The following AGBL3 variants were observed in gnomAD, a reference collection of about 807,000 sequenced individuals.
The protein encoded by AGBL3 is AGBL carboxypeptidase 3.
A neutral mutation model predicts 94.5 loss-of-function variants in AGBL3; 68 were observed. The ratio of observed to expected loss-of-function variants is 0.72; its 90% CI spans 0.59 to 0.88. AGBL3 has a LOEUF of 0.88. AGBL3 is among the 40% of genes least tolerant of loss of function. AGBL3 has a pLI of 0.00. For missense variants in AGBL3, 934 were observed against 1,103.8 expected, an observed-to-expected ratio of 0.85 and a Z score of 2.18; for synonymous variants, 354 against 370.7, an observed-to-expected ratio of 0.95 and a Z score of 0.52.
intron 4 of AGBL3, among the ~76,000 whole-genome samples, chr7:134,996,043 T>C (rs1310021758): frequency 6.6e-6 from 1 of 152,236 alleles, no homozygotes; most frequent in African/African-American, 2.4e-5. Context: ...CACTTGACTA[T>C]TGCAAAGATT....
At chr7:135,059,935 T>C (rs1467007436) in intron 12 of AGBL3, among the ~76,000 whole-genome samples, 2 of 152,346 alleles carry the variant, frequency 1.3e-5, no homozygotes, top group South Asian at 2.1e-4. Flanking sequence ...TTCTCACTCA[T>C]GGGTCTGCCG....
At chr7:135,082,003 A>G (rs1820959784) in intron 15 of AGBL3, among the ~76,000 whole-genome samples, 1 of 152,214 alleles carries the variant, frequency 6.6e-6, no homozygotes, top group African/African-American at 2.4e-5. Context: ...TAGAGCAGAG[A>G]GAAACCTTGA....
rs533876529 is a variant in AGBL3 at position 135,108,291 on chromosome 7, G to A, written c.2111-7089G>A. Among the ~76,000 whole-genome samples the A allele has an allele frequency of 2.6e-5, 4 of 152,272 alleles. No homozygotes were observed. In the East Asian group the frequency reaches 7.7e-4, roughly 29 times the overall value. Reference sequence around the variant, plus strand: ...CTGTTTATTATGCTGGCTGGCTTGTGTGATTGCTTTATAGTGTCACTGGTC... The same window carrying A: ...CTGTTTATTATGCTGGCTGGCTTGTATGATTGCTTTATAGTGTCACTGGTC... On this transcript the variant is annotated intron_variant, in intron 15 of 16. Transcript: ENST00000436302.
chr7:134,999,075 A>G (rs1397676028), intron 4 of AGBL3, among the ~76,000 whole-genome samples: 4 of 152,298 alleles, frequency 2.6e-5, no homozygotes, highest in East Asian at 1.9e-4. Context: ...CTAGTAAACC[A>G]CTAGTCCATT....
At chr7:135,096,588 G>GATAGATAC (rs1554516655) in intron 15 of AGBL3, among the ~76,000 whole-genome samples, 11 of 120,216 alleles carry the variant, frequency 9.2e-5, no homozygotes, top group African/African-American at 3.6e-4. Flanking sequence ...TAGATACATA[G>GATAGATAC]ATAGATAGAT....
intron 4 of AGBL3, among the ~76,000 whole-genome samples, chr7:135,013,212 C>T (rs1813372106): frequency 6.6e-6 from 1 of 152,036 alleles, no homozygotes; most frequent in South Asian, 2.1e-4. Flanking sequence ...AATGAGATAC[C>T]ACTTTACATC....
chr7:135,003,454 A>G (rs921765216), intron 4 of AGBL3, among the ~76,000 whole-genome samples: 4 of 151,974 alleles, frequency 2.6e-5, no homozygotes, highest in Non-Finnish European at 5.9e-5. Flanking sequence ...CGTTTGCCTT[A>G]TTATGTCTCT....
Position 135,126,872 on chromosome 7 carries a change from G to C in AGBL3, c.2343-7969G>C, listed in dbSNP as rs150745838. Among the ~76,000 whole-genome samples the C allele has an allele frequency of 4.3e-3, 660 of 152,254 alleles. 5 individuals are homozygous for C. Among genetic ancestry groups the C allele is most frequent in the African/African-American group, 0.015 (626 of 41,550 alleles). ...ACACCTTATACAAAAATTAACTGAA[G>C]ATGGATTAAAGACTTAAATGTAAAA... On this transcript the variant is annotated intron_variant, in intron 16 of 16. Coordinates refer to ENST00000436302, the MANE Select transcript of AGBL3 (RefSeq NM_178563.4).
chr7:135,008,265 G>A (rs1812651678), intron 4 of AGBL3, among the ~76,000 whole-genome samples: 1 of 152,100 alleles, frequency 6.6e-6, no homozygotes, highest in Admixed American at 6.5e-5. Context: ...TAGACAGTGT[G>A]GTACTGTCAT....
intron 12 of AGBL3, among the ~76,000 whole-genome samples, chr7:135,071,157 A>C (rs900857111): frequency 3.3e-5 from 5 of 152,174 alleles, no homozygotes; most frequent in African/African-American, 1.2e-4. Context: ...TAGGAATCCA[A>C]CTTACAAGGG....
At chr7:135,001,425 C>G (rs1465610843) in intron 4 of AGBL3, among the ~76,000 whole-genome samples, 1 of 152,144 alleles carries the variant, frequency 6.6e-6, no homozygotes, top group East Asian at 1.9e-4. Flanking sequence ...GTTTGTGAGA[C>G]AATTGCCACA....
chr7:135,125,180 A>G (rs1010002325), intron 16 of AGBL3, among the ~76,000 whole-genome samples: 1 of 152,170 alleles, frequency 6.6e-6, no homozygotes, highest in African/African-American at 2.4e-5. Flanking sequence ...AGAGAGAAAA[A>G]TCAAATAGAC....
At chr7:135,005,581 T>C (rs1259157100) in intron 4 of AGBL3, among the ~76,000 whole-genome samples, 1 of 151,816 alleles carries the variant, frequency 6.6e-6, no homozygotes, top group Non-Finnish European at 1.5e-5. Flanking sequence ...GGATTTCTTT[T>C]TGTAGATGTA....
intron 15 of AGBL3, among the ~76,000 whole-genome samples, chr7:135,096,332 A>C (rs12707212): frequency 0.43 from 63,592 of 148,706 alleles, 14,011 homozygotes; most frequent in East Asian, 0.76. Context: ...CCAAAAAAGA[A>C]AAAGAGGAAA....
intron 4 of AGBL3, among the ~76,000 whole-genome samples, chr7:135,007,126 C>T (rs1812489372): frequency 6.6e-6 from 1 of 151,700 alleles, no homozygotes; most frequent in Non-Finnish European, 1.5e-5. Context: ...TTCTACCAAA[C>T]AATTCCTAAT....
At chr7:134,988,565 G>A (rs1224067220) in intron 2 of AGBL3, among the ~76,000 whole-genome samples, 1 of 151,984 alleles carries the variant, frequency 6.6e-6, no homozygotes, top group Admixed American at 6.6e-5. Flanking sequence ...CCCGAAATAA[G>A]CTCTTAAAGC....
At chr7:135,040,548 A>C (rs1816746866) in intron 8 of AGBL3, among the ~76,000 whole-genome samples, 1 of 151,330 alleles carries the variant, frequency 6.6e-6, no homozygotes, top group African/African-American at 2.4e-5. Flanking sequence ...GATATAGAAA[A>C]AGTTTTTAAC....
At chr7:135,045,336 G>T (rs1584932007) in intron 9 of AGBL3, 138 bp from the exon 10 acceptor site, 1 of 672,764 alleles carries the variant, frequency 1.5e-6, no homozygotes, top group South Asian at 1.9e-5. Flanking sequence ...GATGTTAAAT[G>T]ACCTGTCCTG....
chr7:135,120,386 A>C (rs1309277729), intron 16 of AGBL3, among the ~76,000 whole-genome samples: 1 of 152,218 alleles, frequency 6.6e-6, no homozygotes, highest in Non-Finnish European at 1.5e-5. Context: ...TACTAAGTTA[A>C]CACAACCAAT....
Sources: gnomAD v4.1 joint callset for allele counts (sites outside exome capture counted in the v4.1 genomes callset) on GRCh38, gnomAD v4.1.1 for gene constraint, MANE v1.5 for transcripts, NCBI Gene and HGNC (gene_info 2026-07-23, HGNC 2026-07-21) for gene names.